PCDH15: variants seen among roughly 807,000 people sequenced by gnomAD.
PCDH15 encodes the protein protocadherin-15.
In PCDH15, 129 loss-of-function variants were observed where a neutral mutation model predicts 178.5. That is an observed-to-expected ratio of 0.72 (90% confidence interval 0.63 to 0.84). The LOEUF (loss-of-function observed/expected upper bound fraction) is 0.84, where lower values mean the gene tolerates loss of function less well. PCDH15 is among the 40% of genes least tolerant of loss of function. The pLI is 0.00. For missense variants in PCDH15, 2,230 were observed against 2,099.9 expected (o/e 1.06, Z -1.21); for synonymous variants, 800 against 732.0 (o/e 1.09, Z -1.50).
chr10:55,318,494 AT>A (rs956369526), intron 1 of PCDH15, among the ~76,000 whole-genome samples: 1 of 152,152 alleles, frequency 6.6e-6, no homozygotes, highest in African/African-American at 2.4e-5. Context: ...CGAAAGTTCA[AT>A]GGATAAATCA....
intron 2 of PCDH15, among the ~76,000 whole-genome samples, chr10:54,920,021 A>G (rs1486401314): frequency 6.6e-6 from 1 of 152,186 alleles, no homozygotes; most frequent in Non-Finnish European, 1.5e-5. Flanking sequence ...CAAGGGGGAC[A>G]TGTATTTATT....
intron 2 of PCDH15, among the ~76,000 whole-genome samples, chr10:55,067,867 C>T: frequency 6.6e-6 from 1 of 151,852 alleles, no homozygotes; most frequent in Non-Finnish European, 1.5e-5. Flanking sequence ...TTTCATAAGC[C>T]TGTTGGCCAT....
chr10:54,403,792 C>T (rs545891432), intron 3 of PCDH15, among the ~76,000 whole-genome samples: 79 of 151,696 alleles, frequency 5.2e-4, no homozygotes, highest in Non-Finnish European at 1.0e-3. Flanking sequence ...TCCTGGACAC[C>T]AATAACATTC....
chr10:54,930,806 T>A (rs1430056069), intron 2 of PCDH15, among the ~76,000 whole-genome samples: 1 of 152,190 alleles, frequency 6.6e-6, no homozygotes, highest in Non-Finnish European at 1.5e-5. Flanking sequence ...GGAATTCAGT[T>A]AATAGTTCTT....
chr10:54,059,455 T>C (rs2093969200), intron 18 of PCDH15, among the ~76,000 whole-genome samples: 1 of 152,230 alleles, frequency 6.6e-6, no homozygotes, highest in Non-Finnish European at 1.5e-5. Context: ...AAGAATTTTA[T>C]ATTTTTCCTC....
At chr10:55,336,488 C>G (rs557599299) in intron 2 of PCDH15, among the ~76,000 whole-genome samples, 2 of 152,208 alleles carry the variant, frequency 1.3e-5, no homozygotes, top group East Asian at 1.9e-4. Context: ...CAGAGCTAGA[C>G]TCTGTGTCAA....
chr10:54,645,822 T>C (rs1366964177), intron 2 of PCDH15, among the ~76,000 whole-genome samples: 1 of 152,134 alleles, frequency 6.6e-6, no homozygotes, highest in Non-Finnish European at 1.5e-5. Context: ...CTAACATATA[T>C]TTATCATTTC....
intron 8 of PCDH15, among the ~76,000 whole-genome samples, chr10:54,291,928 T>G (rs1564882234): frequency 6.6e-6 from 1 of 152,078 alleles, no homozygotes; most frequent in Non-Finnish European, 1.5e-5. Flanking sequence ...CTGAAACTAT[T>G]CCAATTAATA....
At chr10:53,837,128 G>A (rs1028992351) in intron 29 of PCDH15, among the ~76,000 whole-genome samples, 9 of 151,536 alleles carry the variant, frequency 5.9e-5, no homozygotes, top group East Asian at 1.9e-4. Flanking sequence ...GAGTCAGAAC[G>A]GAACAAAATT....
At chr10:55,066,388 TA>T (rs1213365063) in intron 2 of PCDH15, among the ~76,000 whole-genome samples, 14 of 151,036 alleles carry the variant, frequency 9.3e-5, no homozygotes, top group African/African-American at 2.4e-4. Context: ...AAGTAACATT[TA>T]TTTTTTTTTA....
chr10:55,419,374 C>T (rs550888747), intron 2 of PCDH15, among the ~76,000 whole-genome samples: 2 of 151,858 alleles, frequency 1.3e-5, no homozygotes, highest in African/African-American at 4.8e-5. Context: ...CAAAACTCCA[C>T]ACAATAAGGT....
chr10:55,443,839 G>A (rs921818473), intron 2 of PCDH15, among the ~76,000 whole-genome samples: 9 of 152,148 alleles, frequency 5.9e-5, no homozygotes, highest in Admixed American at 2.0e-4. Context: ...GCACATGTAT[G>A]TTTATTGCAG....
At chr10:55,556,597 A>G (rs565883706) in intron 2 of PCDH15, among the ~76,000 whole-genome samples, 3 of 152,178 alleles carry the variant, frequency 2.0e-5, no homozygotes, top group African/African-American at 7.2e-5. Context: ...TTGGGAAGCC[A>G]AGGTGGGCTG....
intron 13 of PCDH15, among the ~76,000 whole-genome samples, chr10:54,175,816 A>G (rs1163959502): frequency 6.6e-6 from 1 of 152,160 alleles, no homozygotes; most frequent in Admixed American, 6.5e-5. Context: ...TAGGCTATAA[A>G]AATAATTATG....
chr10:54,978,775 G>A (rs1839142848), intron 2 of PCDH15, among the ~76,000 whole-genome samples: 1 of 151,918 alleles, frequency 6.6e-6, no homozygotes, highest in Non-Finnish European at 1.5e-5. Flanking sequence ...CTGTTACTTT[G>A]TTTTATTTGA....
At chr10:54,803,886 T>C (rs2133719793), upstream of PCDH15, among the ~76,000 whole-genome samples, 1 of 152,332 alleles carries the variant, frequency 6.6e-6, no homozygotes, top group East Asian at 1.9e-4. Flanking sequence ...AGTCACATAA[T>C]ACAGTTTAAA....
intron 2 of PCDH15, among the ~76,000 whole-genome samples, chr10:55,328,913 CATATATATATAT>C (rs56104592): frequency 0.044 from 4,860 of 111,292 alleles, 124 homozygotes; most frequent in South Asian, 0.068. Flanking sequence ...TTCACACAAA[CATATATATATAT>C]ATATATATAT....
chr10:54,661,835 G>C (rs1209794146), intron 2 of PCDH15, among the ~76,000 whole-genome samples: 1 of 151,866 alleles, frequency 6.6e-6, no homozygotes, highest in East Asian at 1.9e-4. Flanking sequence ...AATGGTGCTA[G>C]GAAAACTTGC....
chr10:54,901,496 T>C (rs991317920), intron 2 of PCDH15, among the ~76,000 whole-genome samples: 3 of 152,208 alleles, frequency 2.0e-5, no homozygotes, highest in Non-Finnish European at 4.4e-5. Flanking sequence ...ATGCTAATAA[T>C]GTGATTTATT....
Sources: allele counts gnomAD v4.1 joint callset (sites outside exome capture counted in the v4.1 genomes callset), GRCh38; gene constraint gnomAD v4.1.1; transcripts MANE v1.5; gene names NCBI Gene and HGNC (gene_info 2026-07-23, HGNC 2026-07-21).